Variants in USH2A observed in about 807,000 individuals in gnomAD.
The protein encoded by USH2A is Usher syndrome 2A (autosomal recessive, mild).
USH2A carries 443 observed loss-of-function variants against 538.9 expected under a neutral mutation model. The observed-to-expected ratio is 0.82, with a 90% CI of 0.76 to 0.89. The LOEUF is 0.89. Ranked by LOEUF, USH2A falls within the 40% of genes least tolerant of loss-of-function variation. The probability of loss-of-function intolerance (pLI) is 0.00; values close to 1 mark genes in which losing one functional copy is unlikely to be tolerated. For missense variants in USH2A, 6,633 were observed against 6,324.8 expected, an observed-to-expected ratio of 1.05 and a Z score of -1.65; for synonymous variants, 2,413 against 2,273.5, an observed-to-expected ratio of 1.06 and a Z score of -1.75.
At chr1:216,375,636 A>G (rs1656382752) in intron 3 of USH2A, among the ~76,000 whole-genome samples, 1 of 152,290 alleles carries the variant, frequency 6.6e-6, no homozygotes, top group Middle Eastern at 3.4e-3. Context: ...TTCAGTTTTT[A>G]TCATTTTTGT....
intron 6 of USH2A, 121 bp from the exon 7 acceptor site, chr1:216,324,473 A>G: frequency 1.0e-6 from 1 of 956,614 alleles, no homozygotes; most frequent in South Asian, 1.7e-5. Context: ...ATAGTTATCA[A>G]ATATGTATTA....
At chr1:216,062,897 C>A (rs1479034448) in intron 30 of USH2A, among the ~76,000 whole-genome samples, 1 of 152,064 alleles carries the variant, frequency 6.6e-6, no homozygotes, top group Non-Finnish European at 1.5e-5. Context: ...TATTATACAA[C>A]AAAAAATTAA....
At chr1:216,256,373 A>G (rs115615797) in intron 11 of USH2A, among the ~76,000 whole-genome samples, 3,295 of 147,526 alleles carry the variant, frequency 0.022, 60 homozygotes, top group Middle Eastern at 0.13. Context: ...TTATGATTCA[A>G]ATTATCTCCA....
chr1:216,286,642 T>G lies in USH2A; in HGVS notation c.1971+2638A>C, dbSNP rs146143386. Among the ~76,000 whole-genome samples the G allele has an allele frequency of 3.2e-3, 492 of 152,218 alleles. 3 individuals carry two copies. Among genetic ancestry groups the G allele is most frequent in the African/African-American group, 0.012 (478 of 41,508 alleles). ...AGGAGGCCGAGGCAGGAGAATAGCT[T>G]GAACCCCAGAGGTGGAGGTGGCAGT... On this transcript the variant is annotated intron_variant, in intron 11 of 71. Coordinates refer to ENST00000307340, the MANE Select transcript of USH2A (RefSeq NM_206933.4).
intron 3 of USH2A, among the ~76,000 whole-genome samples, chr1:216,395,971 T>C (rs2039205093): frequency 6.6e-6 from 1 of 152,236 alleles, no homozygotes; most frequent in South Asian, 2.1e-4. Flanking sequence ...TCTAGGCATT[T>C]CACTTACACT....
intron 14 of USH2A, 134 bp from the exon 15 acceptor site, chr1:216,217,684 G>A: frequency 2.0e-6 from 2 of 1,007,732 alleles, no homozygotes; most frequent in South Asian, 3.0e-5. Context: ...GAATGCTTGA[G>A]CTAAACAAAC....
intron 21 of USH2A, among the ~76,000 whole-genome samples, chr1:216,150,006 TTA>T (rs1446372289): frequency 6.6e-6 from 1 of 152,100 alleles, no homozygotes; most frequent in Non-Finnish European, 1.5e-5. Flanking sequence ...GTAATAACCC[TTA>T]TGAGCCTAAT....
intron 3 of USH2A, among the ~76,000 whole-genome samples, chr1:216,416,824 A>G (rs1182849471): frequency 1.8e-5 from 1 of 54,782 alleles, no homozygotes; most frequent in Non-Finnish European, 3.1e-5. Context: ...AAGTAAAGAT[A>G]ATTTTTTTGT....
At chr1:216,408,762 A>G (rs1299467030) in intron 3 of USH2A, among the ~76,000 whole-genome samples, 2 of 152,162 alleles carry the variant, frequency 1.3e-5, no homozygotes, top group Non-Finnish European at 2.9e-5. Flanking sequence ...TTCCTTGAAC[A>G]CAAGTTACAA....
intron 14 of USH2A, among the ~76,000 whole-genome samples, chr1:216,224,354 T>C (rs1043823277): frequency 6.6e-6 from 1 of 152,192 alleles, no homozygotes; most frequent in African/African-American, 2.4e-5. Flanking sequence ...TCATTGTTTT[T>C]GGGTTAGACA....
chr1:216,357,913 A>C (rs1247725575), intron 4 of USH2A, among the ~76,000 whole-genome samples: 1 of 152,190 alleles, frequency 6.6e-6, no homozygotes, highest in Admixed American at 6.5e-5. Flanking sequence ...ATAAATCTAC[A>C]ACTAAAAGAA....
rs533675229 is a variant in USH2A, at chr1:215,715,015, C to T, written c.12066+13015G>A. On this transcript the variant is annotated intron_variant, in intron 61 of 71. Coordinates refer to ENST00000307340, the MANE Select transcript of USH2A (RefSeq NM_206933.4). ...ATTTAATTTAAAGTTCCGGGATACA[C>T]GTGCAGGATGTGCAGGTTTGTTACA... Among the ~76,000 whole-genome samples the T allele has an allele frequency of 7.2e-5, 11 of 152,258 alleles. No individual in the cohort carries two copies. In the South Asian group the frequency reaches 1.9e-3, roughly 26 times the overall value.
chr1:215,949,171 T>G (rs572081479), intron 37 of USH2A, among the ~76,000 whole-genome samples: 1 of 152,020 alleles, frequency 6.6e-6, no homozygotes, highest in African/African-American at 2.4e-5. Context: ...AGAGATTTTT[T>G]AAATATTATA....
At chr1:216,255,953 G>T (rs1175367459) in intron 11 of USH2A, among the ~76,000 whole-genome samples, 1 of 152,026 alleles carries the variant, frequency 6.6e-6, no homozygotes, top group Non-Finnish European at 1.5e-5. Flanking sequence ...TTGACAAAAT[G>T]ACTCCTTTTG....
intron 4 of USH2A, among the ~76,000 whole-genome samples, chr1:216,360,428 A>G (rs193038728): frequency 5.1e-4 from 78 of 152,240 alleles, no homozygotes; most frequent in Non-Finnish European, 1.0e-3. Context: ...TATGAGGAAC[A>G]TAGAAGATTT....
intron 15 of USH2A, among the ~76,000 whole-genome samples, chr1:216,209,005 C>T (rs187092459): frequency 1.2e-4 from 19 of 152,238 alleles, no homozygotes; most frequent in Non-Finnish European, 2.4e-4. Context: ...AAGCATAAAC[C>T]GTACTTTGTA....
chr1:216,127,478 G>T (rs1175657119), intron 21 of USH2A, among the ~76,000 whole-genome samples: 1 of 152,118 alleles, frequency 6.6e-6, no homozygotes, highest in Non-Finnish European at 1.5e-5. Context: ...CTCTGTCATG[G>T]CCAGCTTTGG....
intron 4 of USH2A, among the ~76,000 whole-genome samples, chr1:216,362,915 G>A (rs549074900): frequency 6.6e-6 from 1 of 150,822 alleles, no homozygotes; most frequent in South Asian, 2.1e-4. Context: ...CTCCAGCCTG[G>A]GCGACAAGAG....
intron 4 of USH2A, among the ~76,000 whole-genome samples, chr1:216,349,220 A>G (rs1437629813): frequency 1.3e-5 from 2 of 152,082 alleles, no homozygotes; most frequent in African/African-American, 4.8e-5. Flanking sequence ...AAGAGACCCT[A>G]ATTGTTAGGC....
Sources: allele counts gnomAD v4.1 joint callset (sites outside exome capture counted in the v4.1 genomes callset), GRCh38; gene constraint gnomAD v4.1.1; transcripts MANE v1.5; gene names NCBI Gene and HGNC (gene_info 2026-07-23, HGNC 2026-07-21).